CBLB: variants seen among roughly 807,000 people sequenced by gnomAD.
CBLB encodes E3 ubiquitin-protein ligase CBL-B.
In CBLB, 31 loss-of-function variants were observed where a neutral mutation model predicts 104.9. The observed-to-expected ratio is 0.30, with a 90% CI of 0.22 to 0.40. CBLB has a LOEUF of 0.40. Ranked by LOEUF, CBLB falls within the 10% of genes least tolerant of loss-of-function variation. The pLI, the probability that CBLB is intolerant of heterozygous loss-of-function variation, is 1.00. For missense variants in CBLB, 1,062 were observed against 1,214.6 expected, an observed-to-expected ratio of 0.87 and a Z score of 1.87; for synonymous variants, 440 against 422.6, an observed-to-expected ratio of 1.04 and a Z score of -0.51.
At chr3:105,701,677 C>T (rs943588446) in intron 12 of CBLB, among the ~76,000 whole-genome samples, 2 of 151,728 alleles carry the variant, frequency 1.3e-5, no homozygotes, top group Non-Finnish European at 2.9e-5. Context: ...GCAGGAGAAT[C>T]GCTTGAACCT....
chr3:105,730,679 C>T (rs934512605), intron 9 of CBLB, among the ~76,000 whole-genome samples: 2 of 151,988 alleles, frequency 1.3e-5, no homozygotes, highest in African/African-American at 2.4e-5. Context: ...TAATGATGAG[C>T]TGCTTTGTGT....
chr3:105,667,812 C>T (rs1049989979), intron 18 of CBLB, among the ~76,000 whole-genome samples: 1 of 152,128 alleles, frequency 6.6e-6, no homozygotes, highest in African/African-American at 2.4e-5. Flanking sequence ...GATAACAGAA[C>T]TTGAATTCAT....
At chr3:105,755,123 A>C (rs2076972325) in intron 4 of CBLB, among the ~76,000 whole-genome samples, 1 of 151,354 alleles carries the variant, frequency 6.6e-6, no homozygotes, top group Non-Finnish European at 1.5e-5. Flanking sequence ...GGTGCGCTGC[A>C]CCCACTAATG....
chr3:105,853,574 G>T lies in CBLB; in HGVS notation c.259C>A (p.Leu87Ile), dbSNP rs142684895. 3.7e-6 allele frequency: 6 copies of T among 1,611,912 alleles called. No individual in the cohort carries two copies. The African/African-American group carries it at 8.0e-5, about 22-fold the overall frequency. Reference sequence around the variant, plus strand: ...TTGTCATCATATTTACTCAATATAAGTCGTAAATGCTGATATGTATCAGGC... The same window carrying T: ...TTGTCATCATATTTACTCAATATAATTCGTAAATGCTGATATGTATCAGGC... Reference protein sequence around the residue: ...ILPDTYQHLRLILSKYDDNQK... With the variant: ...ILPDTYQHLRIILSKYDDNQK... Residue 87 changes from leucine to isoleucine, a missense_variant, in exon 3 of 19, where the codon CTT becomes ATT. Physicochemically the swap from Leu to Ile is conservative, Grantham distance 5. Transcript: ENST00000394030.
At chr3:105,690,654 T>G (rs1316035749) in intron 13 of CBLB, among the ~76,000 whole-genome samples, 2 of 151,834 alleles carry the variant, frequency 1.3e-5, no homozygotes, top group African/African-American at 4.8e-5. Context: ...AAACCCCGTC[T>G]CCACTAAAAA....
At position 105,672,653 on chromosome 3, in the gene CBLB, T is replaced by C. The variant is rs539020401; in HGVS notation, c.2570-2301A>G. 1.8e-4 allele frequency: 27 copies of C among 152,524 alleles called. No homozygotes were observed. The South Asian group carries it at 3.3e-3, about 19-fold the overall frequency. 9.4% of individuals were successfully genotyped at this position (152,524 alleles called of 1,614,324 possible). ...ATGATCACAGCCAATTTATCACTTA[T>C]ATAAGTGTTTGAGAAATAAATGGAT... On this transcript the variant is annotated intron_variant, in intron 17 of 18. Coordinates refer to ENST00000394030, the MANE Select transcript of CBLB (RefSeq NM_170662.5).
In CBLB at chr3:105,658,804, T is replaced by C. The variant is rs1187939464; in HGVS notation, c.*166A>G. 6 of 703,986 alleles carry C rather than the reference T, an allele frequency of 8.5e-6. No individual in the cohort carries two copies. The highest frequency in any genetic ancestry group is 3.6e-5 in the African/African-American group (2 of 56,304). The allele number at this position is 703,986 out of a possible 1,614,324, so 43.6% of individuals were successfully genotyped here. On this transcript the variant is annotated 3_prime_UTR_variant, in exon 19 of 19. Transcript: ENST00000394030. Reference sequence around the variant, plus strand: ...AAGGAAGCCACAGCTGTCGACATCCTGAGCAAGCATCGGTCTCCTTTGAGA... The same window carrying C: ...AAGGAAGCCACAGCTGTCGACATCCCGAGCAAGCATCGGTCTCCTTTGAGA...
At chr3:105,734,815 C>T (rs1235187825) in intron 8 of CBLB, among the ~76,000 whole-genome samples, 1 of 152,186 alleles carries the variant, frequency 6.6e-6, no homozygotes, top group Non-Finnish European at 1.5e-5. Flanking sequence ...GTCAAGAAAA[C>T]AAATCACTTC....
At chr3:105,761,152 C>T (rs1206648390) in intron 4 of CBLB, among the ~76,000 whole-genome samples, 1 of 152,148 alleles carries the variant, frequency 6.6e-6, no homozygotes, top group Non-Finnish European at 1.5e-5. Flanking sequence ...GGTGCCTCAG[C>T]CTCGTTAAGT....
At chr3:105,671,383 T>C (rs1207677573) in intron 17 of CBLB, 1 of 215,658 alleles carries the variant, frequency 4.6e-6, no homozygotes, top group Admixed American at 5.8e-5. Context: ...CTACTTCTCA[T>C]GTTTGAATTA....
intron 18 of CBLB, among the ~76,000 whole-genome samples, chr3:105,662,129 T>C (rs1470885702): frequency 6.6e-6 from 1 of 152,216 alleles, no homozygotes; most frequent in Non-Finnish European, 1.5e-5. Flanking sequence ...ATTTCCACAC[T>C]GACCATTAGA....
chr3:105,796,882 C>T (rs1485890314), intron 3 of CBLB, among the ~76,000 whole-genome samples: 1 of 152,200 alleles, frequency 6.6e-6, no homozygotes. Context: ...TGGGAACCAT[C>T]TCACAGCACT....
intron 3 of CBLB, among the ~76,000 whole-genome samples, chr3:105,805,395 T>TCC (rs2153026797): frequency 6.6e-6 from 1 of 151,626 alleles, no homozygotes; most frequent in East Asian, 1.9e-4. Flanking sequence ...ACCTCTGCCT[T>TCC]CCAGGTTCAA....
intron 9 of CBLB, among the ~76,000 whole-genome samples, chr3:105,726,814 G>A (rs568897907): frequency 2.6e-5 from 4 of 152,160 alleles, no homozygotes; most frequent in African/African-American, 9.7e-5. Context: ...TGGCTTTTCT[G>A]TTCTTGTGTT....
chr3:105,664,739 G>C (rs1046873129), intron 18 of CBLB, among the ~76,000 whole-genome samples: 2 of 152,124 alleles, frequency 1.3e-5, no homozygotes, highest in Non-Finnish European at 2.9e-5. Flanking sequence ...AAAAATATAG[G>C]AAGTACATAG....
chr3:105,710,943 A>T (rs897218714), intron 10 of CBLB, among the ~76,000 whole-genome samples: 2 of 151,990 alleles, frequency 1.3e-5, no homozygotes, highest in Non-Finnish European at 2.9e-5. Flanking sequence ...TCAAAAGCCC[A>T]TCTCACTATG....
chr3:105,847,609 T>C lies in CBLB; in HGVS notation c.419+5805A>G, dbSNP rs1014484166. Among the ~76,000 whole-genome samples the C allele has an allele frequency of 0.03, 29 of 966 alleles. No homozygotes were observed. In the Admixed American group the frequency reaches 0.3, roughly 10 times the overall value. 0.6% of individuals were successfully genotyped at this position (966 alleles called of 152,430 possible). A position where few individuals can be genotyped will look rare whatever the true frequency, so the allele number is the denominator to read the frequency against. On this transcript the variant is annotated intron_variant, in intron 3 of 18. Transcript: ENST00000394030. The stretch of plus-strand genomic sequence containing the variant: ...GGCAGAGCTATTTTTTCCACCTCAG[T>C]TGACTTTTTTTCCAGTGGTTGTCTA...
chr3:105,696,069 T>TACACACACACAC (rs918732774), intron 12 of CBLB, among the ~76,000 whole-genome samples: 2 of 151,444 alleles, frequency 1.3e-5, no homozygotes, highest in African/African-American at 4.8e-5. Flanking sequence ...TATATATACA[T>TACACACACACAC]ACATACATAT....
intron 13 of CBLB, among the ~76,000 whole-genome samples, chr3:105,685,889 G>T (rs2066940725): frequency 1.3e-5 from 2 of 152,082 alleles, no homozygotes; most frequent in Non-Finnish European, 2.9e-5. Flanking sequence ...AGTCTTTATA[G>T]AATGGTCAAA....
Sources: allele counts gnomAD v4.1 joint callset (sites outside exome capture counted in the v4.1 genomes callset), GRCh38; gene constraint gnomAD v4.1.1; transcripts MANE v1.5; gene names NCBI Gene and HGNC (gene_info 2026-07-23, HGNC 2026-07-21).